Variants in VPS13A observed in about 807,000 individuals in gnomAD.
VPS13A encodes the protein intermembrane lipid transfer protein VPS13A.
Under a neutral mutation model 390.9 loss-of-function variants are expected in VPS13A, and 264 were observed. The observed-to-expected ratio is 0.68, with a 90% CI of 0.61 to 0.75. The LOEUF (loss-of-function observed/expected upper bound fraction) is 0.75, where lower values mean the gene tolerates loss of function less well. Ranked by LOEUF, VPS13A falls within the 30% of genes least tolerant of loss-of-function variation. VPS13A has a pLI of 0.00. For synonymous variants in VPS13A, 1,231 were observed against 1,227.1 expected (o/e 1.00, Z -0.07); for missense variants, 3,409 against 3,733.9 (o/e 0.91, Z 2.27).
intron 45 of VPS13A, among the ~76,000 whole-genome samples, chr9:77,326,652 A>C (rs12340774): frequency 0.1 from 15,619 of 152,052 alleles, 834 homozygotes; most frequent in Middle Eastern, 0.13. Context: ...TAATTTTAAT[A>C]AATGTTTTAA....
intron 10 of VPS13A, among the ~76,000 whole-genome samples, chr9:77,217,387 G>C (rs879590295): frequency 6.6e-5 from 10 of 152,102 alleles, no homozygotes; most frequent in African/African-American, 1.2e-4. Context: ...GTGAAGTCTA[G>C]GCTTTCAGTG....
chr9:77,249,982 C>A, intron 20 of VPS13A, 115 bp from the exon 21 acceptor site: 1 of 1,164,792 alleles, frequency 8.6e-7, no homozygotes, highest in Non-Finnish European at 1.2e-6. Context: ...ATTATGTATG[C>A]TTACTTGTGA....
intron 68 of VPS13A, chr9:77,382,531 G>A: frequency 8.2e-7 from 1 of 1,218,682 alleles, no homozygotes; most frequent in Non-Finnish European, 1.0e-6. Context: ...CGTCATTGGT[G>A]GTACTTACTT....
At chr9:77,182,854 AG>A (rs1824105008) in intron 1 of VPS13A, among the ~76,000 whole-genome samples, 1 of 152,154 alleles carries the variant, frequency 6.6e-6, no homozygotes, top group Admixed American at 6.5e-5. Context: ...TTAATCTCCC[AG>A]TTTTCCCTTT....
At chr9:77,308,478 A>G (rs1828894840) in intron 35 of VPS13A, among the ~76,000 whole-genome samples, 1 of 152,170 alleles carries the variant, frequency 6.6e-6, no homozygotes, top group South Asian at 2.1e-4. Context: ...CTAGTGTGGC[A>G]TATATCCCAA....
chr9:77,284,637 GAA>G (rs1827229880), intron 31 of VPS13A, among the ~76,000 whole-genome samples: 1 of 152,054 alleles, frequency 6.6e-6, no homozygotes, highest in African/African-American at 2.4e-5. Flanking sequence ...AAGTATCTAC[GAA>G]AAGTTATACA....
At chr9:77,312,522 G>T (rs528391413) in intron 35 of VPS13A, among the ~76,000 whole-genome samples, 2 of 151,972 alleles carry the variant, frequency 1.3e-5, no homozygotes, top group Admixed American at 6.6e-5. Context: ...CGCCTCCCGG[G>T]TTCACACCAT....
At chr9:77,322,966 A>T in intron 44 of VPS13A, 101 bp from the exon 45 acceptor site, 1 of 951,788 alleles carries the variant, frequency 1.1e-6, no homozygotes, top group Non-Finnish European at 1.6e-6. Flanking sequence ...ACTATTATTT[A>T]TAAGTTTAAG....
intron 68 of VPS13A, among the ~76,000 whole-genome samples, chr9:77,394,995 T>A (rs1404505967): frequency 6.6e-6 from 1 of 152,212 alleles, no homozygotes; most frequent in African/African-American, 2.4e-5. Flanking sequence ...GTTCTCCATA[T>A]CAGCAATCAG....
chr9:77,268,228 G>T (rs986400972), intron 23 of VPS13A, among the ~76,000 whole-genome samples: 4 of 152,204 alleles, frequency 2.6e-5, no homozygotes, highest in African/African-American at 9.6e-5. Flanking sequence ...CTTGATGTTT[G>T]CCCAAATGGT....
intron 68 of VPS13A, chr9:77,382,318 T>G: frequency 6.5e-7 from 1 of 1,543,174 alleles, no homozygotes; most frequent in Non-Finnish European, 8.7e-7. Flanking sequence ...TGCATGACTT[T>G]GCAAGTGAAA....
Position 77,238,135 on chromosome 9 carries a change from A to G in VPS13A, c.1729A>G (p.Thr577Ala), listed in dbSNP as rs1262526949. The G allele has an allele frequency of 2.5e-6, 4 of 1,613,880 alleles. No individual in the cohort carries two copies. The highest frequency in any genetic ancestry group is 3.4e-6 in the Non-Finnish European group (4 of 1,179,884). ...ITFEINPLDE[T>A]VSQRCIIEAE... ...ATTTGAGATAAATCCATTAGATGAA[A>G]CTGTTTCTCAGAGGTGTATCATAGA... is the stretch of plus-strand genomic sequence containing the variant. Residue 577 changes from threonine to alanine, a missense_variant, in exon 18 of 72, where the codon ACT becomes GCT. Physicochemically the swap from Thr to Ala is moderately conservative, Grantham distance 58. Around this residue, in one of 5 missense-constraint regions of VPS13A, gnomAD observed 2,717 missense variants for 2,917.4 expected, o/e 0.93. Coordinates refer to ENST00000360280, the MANE Select transcript of VPS13A (RefSeq NM_033305.3).
chr9:77,240,261 A>AT (rs1369331884), intron 19 of VPS13A, among the ~76,000 whole-genome samples: 5 of 151,206 alleles, frequency 3.3e-5, no homozygotes, highest in African/African-American at 1.2e-4. Context: ...TTTTAAAAAA[A>AT]TTTTTAATAG....
intron 68 of VPS13A, among the ~76,000 whole-genome samples, chr9:77,394,897 T>G (rs1413513956): frequency 2.0e-5 from 3 of 152,192 alleles, no homozygotes; most frequent in Non-Finnish European, 1.5e-5. Flanking sequence ...CTTCATATAA[T>G]TGAAGATAGT....
chr9:77,316,345 A>C lies in VPS13A; in HGVS notation c.4802A>C (p.Lys1601Thr). The C allele has an allele frequency of 3.7e-6, 6 of 1,613,248 alleles. No individual in the cohort carries two copies. Among genetic ancestry groups the C allele is most frequent in the Non-Finnish European group, 5.1e-6 (6 of 1,179,404 alleles). The change falls in exon 39 of 72, where the codon AAA becomes ACA. Residue 1601 changes from lysine (K) to threonine (T), a missense_variant. Physicochemically the swap from Lys to Thr is moderately conservative, Grantham distance 78. Transcript: ENST00000360280. Reference sequence around the variant, plus strand: ...AATAGTACAATGACTGCTGCCATTAAAGATCTCCAAGTGAGAGCCTGCCCG... The same window carrying C: ...AATAGTACAATGACTGCTGCCATTACAGATCTCCAAGTGAGAGCCTGCCCG... The part of the protein sequence containing the change: ...LENSTMTAAI[K>T]DLQVRACPFL...
chr9:77,402,239 C>CT (rs1436574857), intron 68 of VPS13A, among the ~76,000 whole-genome samples: 1 of 152,070 alleles, frequency 6.6e-6, no homozygotes, highest in Non-Finnish European at 1.5e-5. Flanking sequence ...ATGAGTCATC[C>CT]TGCTATTTTA....
chr9:77,314,177 G>T (rs954770786), intron 36 of VPS13A, 58 bp downstream of exon 36: 73 of 1,573,538 alleles, frequency 4.6e-5, no homozygotes, highest in Non-Finnish European at 6.0e-5. Context: ...ATAGGTTGAT[G>T]TTTTTAAAGT....
chr9:77,367,159 T>C (rs1293715440), intron 61 of VPS13A, among the ~76,000 whole-genome samples: 1 of 152,190 alleles, frequency 6.6e-6, no homozygotes, highest in Admixed American at 6.5e-5. Context: ...ATAGGATGTG[T>C]ATGCCCAAAG....
intron 39 of VPS13A, 45 bp from the exon 40 acceptor site, chr9:77,317,555 ATATTTT>A: frequency 7.3e-7 from 1 of 1,361,140 alleles, no homozygotes; most frequent in Non-Finnish European, 1.0e-6. Context: ...TTAAATAGAA[ATATTTT>A]TATATTTAAA....
Sources: gnomAD v4.1 joint callset for allele counts (sites outside exome capture counted in the v4.1 genomes callset) on GRCh38, gnomAD v4.1.1 for gene constraint, gnomAD v4.1.1 regional missense constraint, MANE v1.5 for transcripts, NCBI Gene and HGNC (gene_info 2026-07-23, HGNC 2026-07-21) for gene names.